Variants in PPARGC1A observed in about 807,000 individuals in gnomAD.
PPARGC1A encodes peroxisome proliferator-activated receptor gamma coactivator 1-alpha.
PPARGC1A carries 25 observed loss-of-function variants against 88.7 expected under a neutral mutation model. The ratio of observed to expected loss-of-function variants is 0.28; its 90% CI spans 0.21 to 0.39. The LOEUF is 0.39. PPARGC1A is among the 10% of genes least tolerant of loss of function. PPARGC1A has a pLI of 1.00. For missense variants in PPARGC1A, 880 were observed against 968.7 expected (o/e 0.91, Z 1.22); for synonymous variants, 363 against 355.6 (o/e 1.02, Z -0.24).
At chr4:23,996,712 C>A in the PPARGC1A span, among the ~76,000 whole-genome samples, 1 of 152,144 alleles carries the variant, frequency 6.6e-6, no homozygotes, top group Non-Finnish European at 1.5e-5. Context: ...TGTAAAGGGC[C>A]AAAGAGCCAA....
the PPARGC1A span, among the ~76,000 whole-genome samples, chr4:24,331,910 T>C: frequency 6.6e-6 from 1 of 151,992 alleles, no homozygotes; most frequent in African/African-American, 2.4e-5. Context: ...CATTAGGTAT[T>C]TGTCCTAATG....
chr4:24,280,248 A>C, the PPARGC1A span, among the ~76,000 whole-genome samples: 1 of 152,252 alleles, frequency 6.6e-6, no homozygotes, highest in African/African-American at 2.4e-5. Flanking sequence ...GGAATTTGGC[A>C]GCCTGCTAGC....
At chr4:24,004,185 G>A in the PPARGC1A span, among the ~76,000 whole-genome samples, 6 of 152,126 alleles carry the variant, frequency 3.9e-5, no homozygotes, top group South Asian at 1.2e-3. Flanking sequence ...GCCCAAACTC[G>A]AACACAGGCA....
At chr4:24,212,737 G>T in the PPARGC1A span, among the ~76,000 whole-genome samples, 2 of 152,158 alleles carry the variant, frequency 1.3e-5, no homozygotes, top group African/African-American at 2.4e-5. Context: ...TTCTAGAAAA[G>T]CCAGCAAGCA....
chr4:24,472,041 C>T, the PPARGC1A span, among the ~76,000 whole-genome samples: 5 of 152,050 alleles, frequency 3.3e-5, no homozygotes, highest in Non-Finnish European at 7.4e-5. This position sits in a 1 kb window ranked among gnomAD's most constrained non-coding sequence, Gnocchi z 4.5. Flanking sequence ...AGGTTGCGCT[C>T]GAGTTCCCTG....
the PPARGC1A span, among the ~76,000 whole-genome samples, chr4:24,434,483 T>A: frequency 2.0e-5 from 3 of 152,204 alleles, no homozygotes; most frequent in African/African-American, 7.2e-5. Flanking sequence ...AGCTGTTATC[T>A]TCTGGCGGAC....
the PPARGC1A span, among the ~76,000 whole-genome samples, chr4:24,396,836 G>A: frequency 6.6e-6 from 1 of 151,922 alleles, no homozygotes; most frequent in Non-Finnish European, 1.5e-5. Context: ...AAACACTAAA[G>A]AAGTCTATAG....
rs143001075 is a variant in PPARGC1A, at chr4:23,867,896, A to C, written c.234+16856T>G. On this transcript the variant is annotated intron_variant, in intron 2 of 12. Transcript: ENST00000264867. ...AAACGAGGAAACTACAACAACAACA[A>C]CGACAAAAACAGTTGCAAAAATTTT... 4.5e-3 allele frequency among the ~76,000 whole-genome samples: 683 copies of C among 152,316 alleles called. 17 individuals carry two copies. The South Asian group carries it at 0.067, about 15-fold the overall frequency.
chr4:24,149,091 G>A, the PPARGC1A span, among the ~76,000 whole-genome samples: 1 of 151,988 alleles, frequency 6.6e-6, no homozygotes, highest in East Asian at 1.9e-4. Context: ...GGGGGGAAGG[G>A]ACATGCTTAA....
chr4:24,452,824 C>G, the PPARGC1A span, among the ~76,000 whole-genome samples: 2 of 152,162 alleles, frequency 1.3e-5, no homozygotes, highest in African/African-American at 4.8e-5. Context: ...CAACAAAGGG[C>G]CTGGGATTTC....
the PPARGC1A span, among the ~76,000 whole-genome samples, chr4:24,454,351 G>C: frequency 3.3e-5 from 5 of 151,662 alleles, no homozygotes; most frequent in South Asian, 1.0e-3. Context: ...GGTAGTTTTT[G>C]GTACACTGAA....
the PPARGC1A span, among the ~76,000 whole-genome samples, chr4:23,959,368 C>T: frequency 1.0e-3 from 155 of 152,234 alleles, 1 homozygote; most frequent in Non-Finnish European, 2.1e-3. Flanking sequence ...AAATGTGCCC[C>T]TCTTGCATAT....
the PPARGC1A span, among the ~76,000 whole-genome samples, chr4:24,145,306 G>C: frequency 1.3e-5 from 2 of 152,118 alleles, no homozygotes; most frequent in Admixed American, 6.5e-5. Flanking sequence ...CCCTGCACTT[G>C]TAACCCTCAT....
At chr4:24,084,538 C>T in the PPARGC1A span, among the ~76,000 whole-genome samples, 1 of 152,250 alleles carries the variant, frequency 6.6e-6, no homozygotes, top group South Asian at 2.1e-4. Context: ...TTTCCTTGGC[C>T]TAAGTGTCAT....
At chr4:23,903,597 G>A (rs1052486459), upstream of PPARGC1A, among the ~76,000 whole-genome samples, 9 of 152,056 alleles carry the variant, frequency 5.9e-5, no homozygotes, top group African/African-American at 2.2e-4. Context: ...AGTGGTCCTC[G>A]CATTTCCTTA....
At chr4:24,046,657 C>G in the PPARGC1A span, among the ~76,000 whole-genome samples, 5 of 152,256 alleles carry the variant, frequency 3.3e-5, no homozygotes, top group Non-Finnish European at 4.4e-5. Context: ...TTCATCAAAA[C>G]TCATTTCTTC....
the PPARGC1A span, among the ~76,000 whole-genome samples, chr4:23,974,725 C>T: frequency 2.0e-5 from 3 of 150,824 alleles, no homozygotes; most frequent in Non-Finnish European, 2.9e-5. Flanking sequence ...TTCCGCCCCC[C>T]GGGTTCACGC....
At chr4:24,273,665 G>A in the PPARGC1A span, among the ~76,000 whole-genome samples, 1 of 151,488 alleles carries the variant, frequency 6.6e-6, no homozygotes, top group African/African-American at 2.4e-5. Flanking sequence ...CCAGCCCAAG[G>A]CACCTTCCAA....
chr4:24,472,658 C>T, the PPARGC1A span, among the ~76,000 whole-genome samples: 1 of 151,644 alleles, frequency 6.6e-6, no homozygotes, highest in Non-Finnish European at 1.5e-5. The surrounding 1 kb of genome is among the most constrained non-coding windows in gnomAD (Gnocchi z 4.5). Context: ...GAGGGATGCT[C>T]GGGCTGCCGC....
Sources: gnomAD v4.1 joint callset for allele counts (sites outside exome capture counted in the v4.1 genomes callset) on GRCh38, gnomAD v4.1.1 for gene constraint, Gnocchi (gnomAD v3.1) non-coding constraint, MANE v1.5 for transcripts, NCBI Gene and HGNC (gene_info 2026-07-23, HGNC 2026-07-21) for gene names.